ANKRD12: variants seen among roughly 807,000 people sequenced by gnomAD.
ANKRD12 encodes the protein ankyrin repeat domain-containing protein 12.
A neutral mutation model predicts 183.4 loss-of-function variants in ANKRD12; 85 were observed. That is an observed-to-expected ratio of 0.46 (90% confidence interval 0.39 to 0.56). ANKRD12 has a LOEUF of 0.56. Among genes scored for constraint, ANKRD12 ranks in the 20% least tolerant of loss-of-function variants. The pLI, the probability that ANKRD12 is intolerant of heterozygous loss-of-function variation, is 0.00. For missense variants in ANKRD12, 2,405 were observed against 2,357.1 expected, an observed-to-expected ratio of 1.02 and a Z score of -0.42; for synonymous variants, 914 against 800.2, an observed-to-expected ratio of 1.14 and a Z score of -2.40.
chr18:9,258,974 A>G (rs1321122813), intron 9 of ANKRD12, 43 bp downstream of exon 9: 3 of 1,534,252 alleles, frequency 2.0e-6, no homozygotes, highest in South Asian at 2.6e-5. Context: ...AACACTGCCC[A>G]ATAGAAGTAT....
Position 9,256,971 on chromosome 18 carries a change from TAG to T in ANKRD12, c.3709_3710del (p.Ser1237PhefsTer23). The T allele has an allele frequency of 1.2e-6, 2 of 1,614,124 alleles. No homozygotes were observed. Among genetic ancestry groups the T allele is most frequent in the Non-Finnish European group, 8.5e-7 (1 of 1,180,006 alleles). On this transcript the variant is annotated frameshift_variant, in exon 9 of 13. Coordinates refer to ENST00000262126, the MANE Select transcript of ANKRD12 (RefSeq NM_015208.5). LOFTEE classifies it high-confidence loss of function. ...GTTGAGTATGACTCTGACTTTATGT[TAG>T]AGAGTTCAGAATCCCAAATGTCCTT...
At chr18:9,224,127 A>G (rs1263481977) in intron 8 of ANKRD12, among the ~76,000 whole-genome samples, 1 of 152,234 alleles carries the variant, frequency 6.6e-6, no homozygotes, top group Non-Finnish European at 1.5e-5. Context: ...AAATCTAATT[A>G]AGGAAAAGTG....
chr18:9,228,326 CT>C (rs2144828989), intron 8 of ANKRD12, among the ~76,000 whole-genome samples: 1 of 152,252 alleles, frequency 6.6e-6, no homozygotes, highest in South Asian at 2.1e-4. Context: ...GATTTCCTTT[CT>C]TTTGGATGGA....
intron 7 of ANKRD12, among the ~76,000 whole-genome samples, chr18:9,219,965 A>G (rs1180682759): frequency 6.6e-6 from 1 of 152,202 alleles, no homozygotes; most frequent in African/African-American, 2.4e-5. Context: ...CTTCACCAGC[A>G]GACTTGGAAA....
chr18:9,278,910 A>G (rs1360325603), intron 11 of ANKRD12, among the ~76,000 whole-genome samples: 1 of 152,102 alleles, frequency 6.6e-6, no homozygotes. Flanking sequence ...AAGCATTATG[A>G]TGAGGGCTTT....
intron 2 of ANKRD12, 22 bp from the exon 3 acceptor site, chr18:9,195,529 A>G (rs1368461762): frequency 6.4e-7 from 1 of 1,554,134 alleles, no homozygotes; most frequent in Non-Finnish European, 8.7e-7. Context: ...ATATAACTTT[A>G]CTCTATTTGA....
At chr18:9,252,817 A>G (rs1275330297) in intron 8 of ANKRD12, among the ~76,000 whole-genome samples, 1 of 152,200 alleles carries the variant, frequency 6.6e-6, no homozygotes, top group African/African-American at 2.4e-5. Context: ...TACAAAAAAT[A>G]TTCTGAAACA....
intron 8 of ANKRD12, chr18:9,235,626 C>A (rs1288040681): frequency 2.2e-6 from 1 of 456,208 alleles, no homozygotes; most frequent in Admixed American, 2.3e-5. Context: ...ACCTTAGTCT[C>A]TTCATCCTCA....
intron 6 of ANKRD12, among the ~76,000 whole-genome samples, chr18:9,216,265 T>C (rs1399835184): frequency 6.6e-6 from 1 of 152,158 alleles, no homozygotes; most frequent in African/African-American, 2.4e-5. Context: ...TTCTCCCTTC[T>C]CTTCAGCCTA....
intron 1 of ANKRD12, among the ~76,000 whole-genome samples, chr18:9,177,824 C>T (rs888406725): frequency 2.0e-5 from 3 of 152,190 alleles, no homozygotes; most frequent in African/African-American, 7.2e-5. Context: ...TGAGTGAGAA[C>T]ATCTCATTAT....
intron 8 of ANKRD12, 52 bp from the exon 9 acceptor site, chr18:9,254,159 T>C: frequency 6.9e-7 from 1 of 1,443,220 alleles, no homozygotes; most frequent in East Asian, 2.4e-5. Context: ...ATTATTTTTC[T>C]GGCAGTTGTG....
At chr18:9,217,193 A>G (rs1470816304) in intron 7 of ANKRD12, among the ~76,000 whole-genome samples, 1 of 152,220 alleles carries the variant, frequency 6.6e-6, no homozygotes, top group Non-Finnish European at 1.5e-5. Context: ...CAGTCTTTAT[A>G]TATAGTAAAA....
At chr18:9,203,689 C>T (rs181677184) in intron 3 of ANKRD12, among the ~76,000 whole-genome samples, 10 of 152,230 alleles carry the variant, frequency 6.6e-5, no homozygotes, top group Admixed American at 5.9e-4. Context: ...ACCGCAACCC[C>T]GGCCACCTGG....
At chr18:9,263,180 C>T (rs990172478) in intron 9 of ANKRD12, among the ~76,000 whole-genome samples, 1 of 152,094 alleles carries the variant, frequency 6.6e-6, no homozygotes, top group Non-Finnish European at 1.5e-5. Flanking sequence ...AAACACCTCT[C>T]TTCTGGGTTT....
intron 2 of ANKRD12, among the ~76,000 whole-genome samples, chr18:9,192,912 G>T (rs904691466): frequency 7.9e-5 from 12 of 151,772 alleles, no homozygotes; most frequent in Admixed American, 6.6e-4. Flanking sequence ...TCAAACTCCT[G>T]TCCTCAAGTG....
At chr18:9,261,466 T>G (rs552653463) in intron 9 of ANKRD12, among the ~76,000 whole-genome samples, 5 of 152,312 alleles carry the variant, frequency 3.3e-5, no homozygotes, top group Admixed American at 6.5e-5. Flanking sequence ...TACAGAATTG[T>G]AAGATTGTAA....
intron 1 of ANKRD12, among the ~76,000 whole-genome samples, chr18:9,150,887 T>C (rs1270269212): frequency 6.6e-6 from 1 of 152,082 alleles, no homozygotes; most frequent in Non-Finnish European, 1.5e-5. Context: ...TCTCTTGACC[T>C]CGTGATCCAC....
Position 9,255,879 on chromosome 18 carries a change from A to G in ANKRD12, c.2612A>G (p.Asp871Gly). The part of the protein sequence containing the change: ...SECVDKIKEK[D>G]KLYSHHTEKC... Reference sequence around the variant, plus strand: ...TGTGTTGATAAAATAAAAGAAAAGGACAAGCTATATTCGCATCACACAGAA... The same window carrying G: ...TGTGTTGATAAAATAAAAGAAAAGGGCAAGCTATATTCGCATCACACAGAA... The change falls in exon 9 of 13, where the codon GAC (aspartate) becomes GGC (glycine). Residue 871 changes from aspartate to glycine, a missense_variant. Physicochemically the swap from Asp to Gly is moderately conservative, Grantham distance 94. This residue lies in a region of ANKRD12 where 1,983 missense variants were observed against 1,725.9 expected (regional missense o/e 1.15). Transcript: ENST00000262126. The G allele has an allele frequency of 1.9e-6, 3 of 1,596,142 alleles. No individual in the cohort carries two copies. The highest frequency in any genetic ancestry group is 2.6e-6 in the Non-Finnish European group (3 of 1,175,392).
At chr18:9,258,957 C>T in intron 9 of ANKRD12, 26 bp downstream of exon 9, 1 of 1,557,902 alleles carries the variant, frequency 6.4e-7, no homozygotes, top group Non-Finnish European at 8.7e-7. Context: ...ACTTGCTATA[C>T]ACCTGTAACA....
Sources: gnomAD v4.1 joint callset for allele counts (sites outside exome capture counted in the v4.1 genomes callset) on GRCh38, gnomAD v4.1.1 for gene constraint, gnomAD v4.1.1 regional missense constraint, MANE v1.5 for transcripts, NCBI Gene and HGNC (gene_info 2026-07-23, HGNC 2026-07-21) for gene names.